Variants in STAU2 observed in about 807,000 individuals in gnomAD.
The protein encoded by STAU2 is staufen double-stranded RNA binding protein 2.
Under a neutral mutation model 65.9 loss-of-function variants are expected in STAU2, and 20 were observed. The observed-to-expected ratio is 0.30, with a 90% CI of 0.21 to 0.44. The LOEUF is 0.44. STAU2 is among the 20% of genes least tolerant of loss of function. The pLI is 1.00. For missense variants in STAU2, 558 were observed against 683.9 expected, an observed-to-expected ratio of 0.82 and a Z score of 2.05; for synonymous variants, 232 against 233.9, an observed-to-expected ratio of 0.99 and a Z score of 0.07.
At chr8:73,466,821 G>A (rs914611842) in intron 13 of STAU2, among the ~76,000 whole-genome samples, 23 of 152,290 alleles carry the variant, frequency 1.5e-4, no homozygotes, top group South Asian at 8.3e-4. Context: ...TCTGGGTGCC[G>A]GGCGCTTTGC....
At chr8:73,739,651 T>C (rs1007548879) in intron 2 of STAU2, 105 bp downstream of exon 2, 5 of 1,002,346 alleles carry the variant, frequency 5.0e-6, no homozygotes, top group Non-Finnish European at 6.7e-6. Flanking sequence ...TTTTTATTTA[T>C]TTTCTAATTA....
rs190417917 is a variant in STAU2 at position 73,641,283 on chromosome 8, C to G, written c.411-23832G>C. ...CTGAGGTGGGAGGATGGCTTGACCC[C>G]AGAAAGTGGTGGTTGCAGTGAGCCA... On this transcript the variant is annotated intron_variant, in intron 6 of 14. Coordinates refer to ENST00000524300, the MANE Select transcript of STAU2 (RefSeq NM_001164380.2). Among the ~76,000 whole-genome samples the G allele has an allele frequency of 4.1e-3, 626 of 152,004 alleles. 7 individuals are homozygous for G. Among genetic ancestry groups the G allele is most frequent in the African/African-American group, 0.015 (603 of 41,424 alleles).
chr8:73,659,581 AT>A (rs900659707), intron 6 of STAU2, among the ~76,000 whole-genome samples: 10 of 151,816 alleles, frequency 6.6e-5, no homozygotes, highest in South Asian at 2.1e-4. Flanking sequence ...TTGTACCCAG[AT>A]TTTTTTTTAA....
chr8:73,435,675 A>G (rs1262539993), intron 13 of STAU2, among the ~76,000 whole-genome samples: 1 of 151,986 alleles, frequency 6.6e-6, no homozygotes, highest in Non-Finnish European at 1.5e-5. Context: ...AGGAATATGG[A>G]TAATAGTTAC....
upstream of STAU2, chr8:73,747,206 G>T: frequency 1.5e-6 from 1 of 657,670 alleles, no homozygotes; most frequent in East Asian, 3.4e-5. Context: ...GAGCGACTGC[G>T]CAAGGAGCGC....
intron 12 of STAU2, among the ~76,000 whole-genome samples, chr8:73,579,905 T>C (rs1809858388): frequency 1.3e-5 from 2 of 152,208 alleles, no homozygotes; most frequent in African/African-American, 4.8e-5. Flanking sequence ...TAAACTATTT[T>C]CTAGTTGTAA....
At chr8:73,637,266 G>A (rs1035698654) in intron 6 of STAU2, among the ~76,000 whole-genome samples, 2 of 151,216 alleles carry the variant, frequency 1.3e-5, no homozygotes, top group African/African-American at 4.9e-5. Flanking sequence ...TTTGGTAAAA[G>A]GCATATTTAC....
chr8:73,454,451 T>G (rs1305225076), intron 13 of STAU2, among the ~76,000 whole-genome samples: 1 of 152,222 alleles, frequency 6.6e-6, no homozygotes, highest in Non-Finnish European at 1.5e-5. Flanking sequence ...AATATGATCA[T>G]AAAACCGAAT....
intron 13 of STAU2, among the ~76,000 whole-genome samples, chr8:73,493,390 T>C (rs1821240232): frequency 6.6e-6 from 1 of 151,588 alleles, no homozygotes; most frequent in Non-Finnish European, 1.5e-5. Context: ...GCAAAACATA[T>C]ATGACAAGGG....
intron 6 of STAU2, among the ~76,000 whole-genome samples, chr8:73,619,953 T>G (rs1439001851): frequency 6.6e-6 from 1 of 152,206 alleles, no homozygotes; most frequent in Non-Finnish European, 1.5e-5. Context: ...GATAACGCAT[T>G]TTAAATGTTT....
chr8:73,708,796 T>C (rs1253721590), intron 4 of STAU2, among the ~76,000 whole-genome samples: 2 of 152,190 alleles, frequency 1.3e-5, no homozygotes, highest in Non-Finnish European at 2.9e-5. Context: ...AAAATCCATA[T>C]ATCATGTGGT....
intron 3 of STAU2, among the ~76,000 whole-genome samples, chr8:73,712,345 G>C (rs1193484658): frequency 6.6e-6 from 1 of 152,088 alleles, no homozygotes; most frequent in Non-Finnish European, 1.5e-5. Context: ...GCCTGTTTTG[G>C]ATATCTCTGT....
At chr8:73,572,876 T>G (rs1004969278) in intron 12 of STAU2, among the ~76,000 whole-genome samples, 11 of 152,060 alleles carry the variant, frequency 7.2e-5, no homozygotes, top group East Asian at 3.9e-4. Flanking sequence ...CTATTCAACA[T>G]AGTGTTGGAA....
intron 13 of STAU2, chr8:73,438,924 G>A (rs1359765932): frequency 1.5e-5 from 7 of 456,456 alleles, no homozygotes; most frequent in South Asian, 3.1e-5. Context: ...CTTCCTTCCC[G>A]CTGTTAGGAG....
At chr8:73,742,603 T>C (rs1010895509) in intron 1 of STAU2, among the ~76,000 whole-genome samples, 7 of 151,774 alleles carry the variant, frequency 4.6e-5, no homozygotes, top group African/African-American at 1.7e-4. Context: ...TGATTCCAAT[T>C]ACAACTAAGC....
chr8:73,455,150 C>T (rs1046695875), intron 13 of STAU2, among the ~76,000 whole-genome samples: 5 of 152,120 alleles, frequency 3.3e-5, no homozygotes, highest in Non-Finnish European at 7.3e-5. Context: ...ATCTGGATCC[C>T]ATCTCCTCAT....
At chr8:73,451,489 T>C (rs1308198534) in intron 13 of STAU2, among the ~76,000 whole-genome samples, 1 of 151,848 alleles carries the variant, frequency 6.6e-6, no homozygotes, top group Non-Finnish European at 1.5e-5. Context: ...TTCAAAAAAA[T>C]ATGTTAAGAG....
chr8:73,500,583 A>C (rs1025882563), intron 13 of STAU2, among the ~76,000 whole-genome samples: 9 of 151,968 alleles, frequency 5.9e-5, no homozygotes, highest in African/African-American at 1.9e-4. Flanking sequence ...TCATTTGTGC[A>C]CTTTAAAAAA....
intron 13 of STAU2, among the ~76,000 whole-genome samples, chr8:73,467,383 T>C (rs1378786924): frequency 3.3e-5 from 5 of 152,072 alleles, no homozygotes; most frequent in Non-Finnish European, 5.9e-5. Flanking sequence ...ATACAAAAAA[T>C]TAGCCGGGCA....
Sources: gnomAD v4.1 joint callset for allele counts (sites outside exome capture counted in the v4.1 genomes callset) on GRCh38, gnomAD v4.1.1 for gene constraint, MANE v1.5 for transcripts, NCBI Gene and HGNC (gene_info 2026-07-23, HGNC 2026-07-21) for gene names.